METTL15: variants seen among roughly 807,000 people sequenced by gnomAD.
METTL15 encodes 12S rRNA N(4)-cytidine methyltransferase METTL15.
In METTL15, 34 loss-of-function variants were observed where a neutral mutation model predicts 38.3. The observed-to-expected ratio is 0.89, with a 90% CI of 0.68 to 1.18. The LOEUF is 1.18. Among genes scored for constraint, METTL15 ranks in the 50% most tolerant of loss-of-function variants. The pLI, the probability that METTL15 is intolerant of heterozygous loss-of-function variation, is 0.00. For missense variants in METTL15, 438 were observed against 498.4 expected (o/e 0.88, Z 1.15); for synonymous variants, 162 against 170.9 (o/e 0.95, Z 0.41).
Position 28,310,952 on chromosome 11 carries a change from GGT to G in METTL15, c.778+14023_778+14024del, listed in dbSNP as rs1857267100. Among the ~76,000 whole-genome samples, 8 of 143,544 alleles carry G rather than the reference GGT, an allele frequency of 5.6e-5. No individual in the cohort carries two copies. The East Asian group carries it at 6.2e-4, about 11-fold the overall frequency. The allele number at this position is 143,544 out of a possible 152,430, so 94.2% of individuals were successfully genotyped here. ...TGGTGGTGGTGGTGGTGGTGGTGGT[GGT>G]GGTGGTGGTGGGTGTGTGTGTGTGT... On this transcript the variant is annotated intron_variant, in intron 6 of 6. Coordinates refer to ENST00000407364, the MANE Select transcript of METTL15 (RefSeq NM_001113528.2).
chr11:28,407,283 A>T (rs1486904307), intron 5 of METTL15, among the ~76,000 whole-genome samples: 6 of 152,228 alleles, frequency 3.9e-5, no homozygotes, highest in African/African-American at 1.4e-4. Flanking sequence ...CGTCAAAAGT[A>T]TTTGCAACAA....
At chr11:28,186,104 A>G (rs1388604987) in intron 3 of METTL15, among the ~76,000 whole-genome samples, 2 of 151,062 alleles carry the variant, frequency 1.3e-5, no homozygotes, top group African/African-American at 4.8e-5. Context: ...GGCCATAGAA[A>G]CTGTTTAAAG....
chr11:28,505,859 T>C (rs1851623568), intron 6 of METTL15, among the ~76,000 whole-genome samples: 1 of 152,156 alleles, frequency 6.6e-6, no homozygotes, highest in Non-Finnish European at 1.5e-5. Flanking sequence ...TGAGTGTTAG[T>C]ATGCTCCTAG....
chr11:28,307,338 A>G (rs776261012), intron 6 of METTL15, among the ~76,000 whole-genome samples: 10 of 152,102 alleles, frequency 6.6e-5, no homozygotes, highest in Non-Finnish European at 1.0e-4. Flanking sequence ...TTGGTGCATC[A>G]TCAAAACTTG....
At chr11:28,154,690 G>T (rs1259906319) in intron 3 of METTL15, among the ~76,000 whole-genome samples, 1 of 152,082 alleles carries the variant, frequency 6.6e-6, no homozygotes, top group Non-Finnish European at 1.5e-5. Flanking sequence ...AGAATAATAA[G>T]AACTCTCTCA....
intron 6 of METTL15, among the ~76,000 whole-genome samples, chr11:28,429,039 A>T (rs927732331): frequency 3.3e-5 from 5 of 152,056 alleles, no homozygotes; most frequent in Non-Finnish European, 7.4e-5. Flanking sequence ...GCCTGACTGG[A>T]CTGCTGCTAC....
chr11:28,228,771 A>T (rs1252885024), intron 4 of METTL15, among the ~76,000 whole-genome samples: 2 of 151,944 alleles, frequency 1.3e-5, no homozygotes, highest in African/African-American at 4.8e-5. Flanking sequence ...ACTATGTCTA[A>T]CATGTCATAT....
chr11:28,329,958 G>A lies in METTL15; in HGVS notation c.779-438G>A, dbSNP rs187896733. ...TAATAATATTTTTGTTCTTCTTTAT[G>A]TAATGAATTTTCTTTTCTGTTGGCA... On this transcript the variant is annotated intron_variant, in intron 6 of 6. Coordinates refer to ENST00000407364, the MANE Select transcript of METTL15 (RefSeq NM_001113528.2). 3.9e-5 allele frequency among the ~76,000 whole-genome samples: 6 copies of A among 152,094 alleles called. No homozygotes were observed. The East Asian group carries it at 1.2e-3, about 29-fold the overall frequency.
intron 4 of METTL15, among the ~76,000 whole-genome samples, chr11:28,243,242 A>C (rs1247294479): frequency 6.6e-6 from 1 of 152,188 alleles, no homozygotes; most frequent in Admixed American, 6.5e-5. Context: ...TCCCAGCAGC[A>C]CTATTCCAAG....
chr11:28,454,739 C>A (rs1220998116), intron 6 of METTL15, among the ~76,000 whole-genome samples: 1 of 152,186 alleles, frequency 6.6e-6, no homozygotes, highest in Non-Finnish European at 1.5e-5. Context: ...TTCTTTCCTT[C>A]TTCTTAAATG....
intron 4 of METTL15, chr11:28,287,639 A>G (rs1263912182): frequency 1.2e-5 from 2 of 165,500 alleles, no homozygotes; most frequent in African/African-American, 4.8e-5. Flanking sequence ...GGTGGCGTGG[A>G]AGGAGCTATA....
At chr11:28,434,613 T>A (rs1277180313) in intron 6 of METTL15, among the ~76,000 whole-genome samples, 1 of 152,226 alleles carries the variant, frequency 6.6e-6, no homozygotes, top group African/African-American at 2.4e-5. Context: ...AAAGGAACTC[T>A]ACTACTGAGA....
chr11:28,202,881 G>C (rs1403849270), intron 3 of METTL15, among the ~76,000 whole-genome samples: 1 of 152,062 alleles, frequency 6.6e-6, no homozygotes, highest in Non-Finnish European at 1.5e-5. Flanking sequence ...GAAATTTTAA[G>C]ATCTGCCCTC....
At chr11:28,204,389 A>G (rs947468366) in intron 3 of METTL15, among the ~76,000 whole-genome samples, 1 of 149,260 alleles carries the variant, frequency 6.7e-6, no homozygotes, top group Non-Finnish European at 1.5e-5. Context: ...CTTACTAGTA[A>G]TAGGATCTTA....
At chr11:28,216,089 T>G (rs1395058821) in intron 4 of METTL15, among the ~76,000 whole-genome samples, 1 of 152,172 alleles carries the variant, frequency 6.6e-6, no homozygotes, top group African/African-American at 2.4e-5. Flanking sequence ...GCTCCCTAAA[T>G]TAATATATAC....
intron 3 of METTL15, among the ~76,000 whole-genome samples, chr11:28,169,339 GGTT>G (rs1850770366): frequency 6.6e-6 from 1 of 152,014 alleles, no homozygotes; most frequent in African/African-American, 2.4e-5. Context: ...TTTTTATCTT[GGTT>G]GTTCAAATAT....
At chr11:28,325,454 G>T (rs1220744200) in intron 6 of METTL15, among the ~76,000 whole-genome samples, 1 of 152,142 alleles carries the variant, frequency 6.6e-6, no homozygotes, top group Non-Finnish European at 1.5e-5. Flanking sequence ...GGGCACATAG[G>T]TTTGATATAC....
rs576940383 is a variant in METTL15 at position 28,392,040 on chromosome 11, A to G, written c.*358+30004A>G. ...GAGTGAACAGGCAACCTACAGAATG[A>G]GAGAAAATTTTTGCAATCTACTCTT... On this transcript the variant is annotated intron_variant and NMD_transcript_variant, in intron 5 of 7. Coordinates refer to the METTL15 transcript ENST00000532947. 3.9e-5 allele frequency among the ~76,000 whole-genome samples: 6 copies of G among 152,136 alleles called. No individual in the cohort carries two copies. In the South Asian group the frequency reaches 8.3e-4, roughly 21 times the overall value.
At chr11:28,111,541 G>C (rs532281651) in intron 2 of METTL15, among the ~76,000 whole-genome samples, 1 of 152,266 alleles carries the variant, frequency 6.6e-6, no homozygotes, top group Admixed American at 6.5e-5. Flanking sequence ...CAATTTAATT[G>C]AAGTACTATT....
Sources: gnomAD v4.1 joint callset for allele counts (sites outside exome capture counted in the v4.1 genomes callset) on GRCh38, gnomAD v4.1.1 for gene constraint, MANE v1.5 for transcripts, NCBI Gene and HGNC (gene_info 2026-07-23, HGNC 2026-07-21) for gene names.